The following CLYBL variants were observed in gnomAD, a reference collection of about 807,000 sequenced individuals.
The protein encoded by CLYBL is citramalyl-CoA lyase.
Under a neutral mutation model 38.9 loss-of-function variants are expected in CLYBL, and 31 were observed. That is an observed-to-expected ratio of 0.80 (90% CI 0.60 to 1.08). The LOEUF (loss-of-function observed/expected upper bound fraction) is 1.08, where lower values mean the gene tolerates loss of function less well. Among genes scored for constraint, CLYBL ranks in the 50% least tolerant of loss-of-function variants. The probability of loss-of-function intolerance (pLI) is 0.00; values close to 1 mark genes in which losing one functional copy is unlikely to be tolerated. For missense variants in CLYBL, 434 were observed against 411.6 expected (o/e 1.05, Z -0.47); for synonymous variants, 171 against 158.6 (o/e 1.08, Z -0.59).
At chr13:99,755,599 C>A (rs116801177) in intron 1 of CLYBL, among the ~76,000 whole-genome samples, 2,579 of 152,304 alleles carry the variant, frequency 0.017, 82 homozygotes, top group African/African-American at 0.058. Context: ...GTCGAAACTT[C>A]TGGATTCTTC....
chr13:99,765,661 A>C (rs956217818), intron 1 of CLYBL, among the ~76,000 whole-genome samples: 29 of 151,914 alleles, frequency 1.9e-4, no homozygotes, highest in Non-Finnish European at 2.9e-5. Flanking sequence ...CCTCCCTCTC[A>C]GCCTCCCGAG....
intron 2 of CLYBL, among the ~76,000 whole-genome samples, chr13:99,788,174 A>C (rs761983048): frequency 6.6e-6 from 1 of 152,146 alleles, no homozygotes; most frequent in East Asian, 1.9e-4. Flanking sequence ...CTCATTTCCT[A>C]ATTGAGTACC....
chr13:99,802,655 G>C (rs1458921543), intron 2 of CLYBL, among the ~76,000 whole-genome samples: 1 of 152,130 alleles, frequency 6.6e-6, no homozygotes, highest in Non-Finnish European at 1.5e-5. Context: ...TAAATGACTG[G>C]TCTCTGGCTG....
At chr13:99,875,682 T>C (rs965203859) in intron 7 of CLYBL, among the ~76,000 whole-genome samples, 13 of 152,198 alleles carry the variant, frequency 8.5e-5, no homozygotes, top group Admixed American at 2.0e-4. Context: ...CTTTGTCAAC[T>C]GAAAGGGTTG....
At chr13:99,655,621 G>A (rs2047319657) in intron 1 of CLYBL, among the ~76,000 whole-genome samples, 1 of 152,216 alleles carries the variant, frequency 6.6e-6, no homozygotes, top group South Asian at 2.1e-4. Context: ...ATAACACATT[G>A]GTGGCTTGAT....
intron 1 of CLYBL, among the ~76,000 whole-genome samples, chr13:99,699,716 A>G (rs572108036): frequency 7.6e-6 from 1 of 132,140 alleles, no homozygotes; most frequent in African/African-American, 2.9e-5. Flanking sequence ...AAAATAGGCC[A>G]GGCGCAGTGG....
At chr13:99,609,268 C>A (rs1461748037) in intron 1 of CLYBL, among the ~76,000 whole-genome samples, 1 of 149,548 alleles carries the variant, frequency 6.7e-6, no homozygotes, top group Non-Finnish European at 1.5e-5. Flanking sequence ...CCTCTGACTC[C>A]CGGGTTCAAG....
rs549351437 is a variant in CLYBL at position 99,642,654 on chromosome 13, G to C, written c.62+35897G>C. On this transcript the variant is annotated intron_variant, in intron 1 of 8. Coordinates refer to ENST00000339105, the MANE Select transcript of CLYBL (RefSeq NM_206808.5). ...GCTGGTCTCAAACTCCTGGGTTCAG[G>C]TGATCCTTCTGCCTCATTCTTCCCA... Among the ~76,000 whole-genome samples, 5 of 152,212 alleles carry C rather than the reference G, an allele frequency of 3.3e-5. No homozygotes were observed. The South Asian group carries it at 6.2e-4, about 19-fold the overall frequency.
chr13:99,658,837 T>A (rs747912890), intron 1 of CLYBL, among the ~76,000 whole-genome samples: 6 of 152,248 alleles, frequency 3.9e-5, no homozygotes, highest in East Asian at 1.9e-4. Context: ...CCTCTTTTTT[T>A]ATGCAATCCT....
intron 2 of CLYBL, among the ~76,000 whole-genome samples, chr13:99,834,298 C>CTT (rs1423469545): frequency 1.3e-5 from 2 of 152,190 alleles, no homozygotes; most frequent in African/African-American, 4.8e-5. Flanking sequence ...TCTCAACCTG[C>CTT]TTATGCCAGG....
intron 1 of CLYBL, among the ~76,000 whole-genome samples, chr13:99,622,814 A>T (rs921547514): frequency 2.0e-5 from 3 of 150,594 alleles, no homozygotes; most frequent in African/African-American, 7.5e-5. Context: ...ATTAAATTTA[A>T]TTTTTTAGAG....
chr13:99,680,225 C>G (rs777259883), intron 1 of CLYBL, among the ~76,000 whole-genome samples: 1 of 152,172 alleles, frequency 6.6e-6, no homozygotes, highest in Non-Finnish European at 1.5e-5. Flanking sequence ...ATCTGACACC[C>G]ATTTTTAATT....
intron 2 of CLYBL, among the ~76,000 whole-genome samples, chr13:99,841,048 A>G (rs2139122229): frequency 6.6e-6 from 1 of 152,334 alleles, no homozygotes; most frequent in South Asian, 2.1e-4. Flanking sequence ...GTAAAGGACC[A>G]TCTGCAACCT....
intron 1 of CLYBL, among the ~76,000 whole-genome samples, chr13:99,619,342 AGACACCAAGGCT>A (rs1307129474): frequency 6.6e-6 from 1 of 152,218 alleles, no homozygotes; most frequent in Non-Finnish European, 1.5e-5. Context: ...AGCCCTCTGT[AGACACCAAGGCT>A]GGCACCTTGA....
chr13:99,635,299 C>T (rs1462348748), intron 1 of CLYBL, among the ~76,000 whole-genome samples: 1 of 152,068 alleles, frequency 6.6e-6, no homozygotes, highest in African/African-American at 2.4e-5. Context: ...TTATAATCTG[C>T]ACCACGCCCC....
rs1165919560 is a variant in CLYBL at position 99,748,429 on chromosome 13, G to GTTTTT, written c.63-24371_63-24367dup. On this transcript the variant is annotated intron_variant, in intron 1 of 8. Coordinates refer to ENST00000339105, the MANE Select transcript of CLYBL (RefSeq NM_206808.5). ...CTGGCAACTATCACTCTAGTTTTGT[G>GTTTTT]TTTTTTTTTTTTTTTTTTTTTTTTT... Among the ~76,000 whole-genome samples the GTTTTT allele has an allele frequency of 1.6e-4, 14 of 87,692 alleles. 3 individuals are homozygous for GTTTTT. The highest frequency in any genetic ancestry group is 4.8e-4 in the African/African-American group (9 of 18,712). The allele number at this position is 87,692 out of a possible 152,430, so 57.5% of individuals were successfully genotyped here.
chr13:99,666,974 A>C (rs1029533550), intron 1 of CLYBL, among the ~76,000 whole-genome samples: 11 of 152,178 alleles, frequency 7.2e-5, no homozygotes, highest in Admixed American at 6.5e-4. Flanking sequence ...CCTGCATAGA[A>C]GACGGGTCCA....
At position 99,705,583 on chromosome 13, in the gene CLYBL, A is replaced by G. The variant is rs554793393; in HGVS notation, c.63-67241A>G. Among the ~76,000 whole-genome samples the G allele has an allele frequency of 5.3e-5, 8 of 152,312 alleles. No homozygotes were observed. The East Asian group carries it at 1.3e-3, about 26-fold the overall frequency. On this transcript the variant is annotated intron_variant, in intron 1 of 8. Transcript: ENST00000339105. The stretch of plus-strand genomic sequence containing the variant: ...GAGCAAAATTCCATCTCAAAAAAAA[A>G]AAGCATGAAATTCTGATACCTGCTA...
In CLYBL at chr13:99,630,722, C is replaced by A. The variant is rs548029539; in HGVS notation, c.62+23965C>A. On this transcript the variant is annotated intron_variant, in intron 1 of 8. Coordinates refer to ENST00000339105, the MANE Select transcript of CLYBL (RefSeq NM_206808.5). ...TTGTTGATCTTAACCCCAGCTCTGC[C>A]CTCTCTTAAATCCTGTTCTTATTCT... Among the ~76,000 whole-genome samples, 4 of 152,254 alleles carry A rather than the reference C, an allele frequency of 2.6e-5. No individual in the cohort carries two copies. In the East Asian group the frequency reaches 7.7e-4, roughly 29 times the overall value.
Sources: gnomAD v4.1 joint callset for allele counts (sites outside exome capture counted in the v4.1 genomes callset) on GRCh38, gnomAD v4.1.1 for gene constraint, MANE v1.5 for transcripts, NCBI Gene and HGNC (gene_info 2026-07-23, HGNC 2026-07-21) for gene names.